Variants in CCSER1 observed in about 807,000 individuals in gnomAD.
CCSER1 encodes serine-rich coiled-coil domain-containing protein 1.
Under a neutral mutation model 82.0 loss-of-function variants are expected in CCSER1, and 41 were observed. The ratio of observed to expected loss-of-function variants is 0.50; its 90% CI spans 0.39 to 0.65. The LOEUF (loss-of-function observed/expected upper bound fraction) is 0.65, where lower values mean the gene tolerates loss of function less well. CCSER1 is among the 30% of genes least tolerant of loss of function. The probability of loss-of-function intolerance (pLI) is 0.00; values close to 1 mark genes in which losing one functional copy is unlikely to be tolerated. For missense variants in CCSER1, 1,119 were observed against 1,064.2 expected (o/e 1.05, Z -0.72); for synonymous variants, 414 against 383.9 (o/e 1.08, Z -0.92).
chr4:90,942,516 C>T (rs1731716289), intron 9 of CCSER1, among the ~76,000 whole-genome samples: 1 of 151,976 alleles, frequency 6.6e-6, no homozygotes. Context: ...ACAAAAGTCT[C>T]AAATGATAAT....
intron 1 of CCSER1, among the ~76,000 whole-genome samples, chr4:90,290,239 G>A (rs1730658156): frequency 6.6e-6 from 1 of 151,792 alleles, no homozygotes; most frequent in South Asian, 2.1e-4. Context: ...GCTATACTAA[G>A]ATGTGCAGAA....
intron 8 of CCSER1, among the ~76,000 whole-genome samples, chr4:90,898,663 A>G (rs1426538843): frequency 6.6e-6 from 1 of 151,938 alleles, no homozygotes; most frequent in Non-Finnish European, 1.5e-5. Flanking sequence ...TCTTCTGTAT[A>G]TAGCTAGCTA....
intron 8 of CCSER1, among the ~76,000 whole-genome samples, chr4:90,865,395 G>C (rs1046743287): frequency 9.9e-5 from 15 of 151,942 alleles, no homozygotes; most frequent in Non-Finnish European, 1.9e-4. Context: ...TTTGAGCAAT[G>C]AAAAGACAAT....
At chr4:91,495,906 G>C (rs1758778906) in intron 10 of CCSER1, among the ~76,000 whole-genome samples, 1 of 151,666 alleles carries the variant, frequency 6.6e-6, no homozygotes, top group East Asian at 1.9e-4. Flanking sequence ...GTTTATGCAT[G>C]ATAACGTTTT....
chr4:90,143,547 A>ATAGAATACATCAAGTATTCAGTAAATTT (rs1725225102), intron 1 of CCSER1, among the ~76,000 whole-genome samples: 1 of 151,654 alleles, frequency 6.6e-6, no homozygotes, highest in African/African-American at 2.4e-5. Flanking sequence ...ATATACCATT[A>ATAGAATACATCAAGTATTCAGTAAATTT]TAGAATACAT....
chr4:90,883,112 C>G (rs1721589221), intron 8 of CCSER1, among the ~76,000 whole-genome samples: 1 of 151,936 alleles, frequency 6.6e-6, no homozygotes, highest in Non-Finnish European at 1.5e-5. Flanking sequence ...ATTTAAACCC[C>G]TCCAGTATGA....
intron 9 of CCSER1, among the ~76,000 whole-genome samples, chr4:91,037,269 C>A (rs1306380264): frequency 6.6e-6 from 1 of 151,638 alleles, no homozygotes; most frequent in Admixed American, 6.6e-5. Context: ...TACATACACA[C>A]ACACACACAC....
chr4:91,166,371 T>C (rs1038057123), intron 10 of CCSER1, among the ~76,000 whole-genome samples: 1 of 152,074 alleles, frequency 6.6e-6, no homozygotes, highest in Non-Finnish European at 1.5e-5. Flanking sequence ...TAAAAAAAAG[T>C]GATCCAAATA....
intron 10 of CCSER1, among the ~76,000 whole-genome samples, chr4:91,596,596 G>A (rs1016975178): frequency 6.6e-6 from 1 of 152,044 alleles, no homozygotes; most frequent in African/African-American, 2.4e-5. Flanking sequence ...AGAGTATTGG[G>A]AAAGAGCCAA....
At chr4:90,456,629 AC>A (rs1439331884) in intron 4 of CCSER1, among the ~76,000 whole-genome samples, 2 of 152,086 alleles carry the variant, frequency 1.3e-5, no homozygotes, top group Non-Finnish European at 2.9e-5. Flanking sequence ...CATTCCCAAC[AC>A]CCAAGGGTGA....
intron 3 of CCSER1, among the ~76,000 whole-genome samples, chr4:90,390,673 C>T (rs1475030115): frequency 1.3e-5 from 2 of 152,132 alleles, no homozygotes; most frequent in South Asian, 2.1e-4. Context: ...TTTCTTTATC[C>T]AGTCCACCAT....
intron 10 of CCSER1, among the ~76,000 whole-genome samples, chr4:91,222,104 AAG>A (rs959722755): frequency 4.0e-5 from 6 of 151,398 alleles, no homozygotes; most frequent in Non-Finnish European, 5.9e-5. Flanking sequence ...CACATATATA[AAG>A]AGAGAGAGAG....
At chr4:90,497,390 C>T (rs867621524) in intron 5 of CCSER1, among the ~76,000 whole-genome samples, 193 of 152,196 alleles carry the variant, frequency 1.3e-3, no homozygotes, top group African/African-American at 4.5e-3. Flanking sequence ...CAAAGCAAGC[C>T]AGAACCATTC....
At chr4:91,151,385 G>A (rs1350664506) in intron 10 of CCSER1, among the ~76,000 whole-genome samples, 1 of 151,758 alleles carries the variant, frequency 6.6e-6, no homozygotes, top group Non-Finnish European at 1.5e-5. Context: ...TCTTGCTAGT[G>A]GCCTATCAAT....
intron 8 of CCSER1, among the ~76,000 whole-genome samples, chr4:90,916,735 A>C (rs1037466190): frequency 6.6e-6 from 1 of 152,176 alleles, no homozygotes; most frequent in Non-Finnish European, 1.5e-5. Context: ...CAACCTACAA[A>C]ATGGGAGAAA....
intron 10 of CCSER1, among the ~76,000 whole-genome samples, chr4:91,578,224 G>A (rs1354893451): frequency 6.6e-6 from 1 of 151,944 alleles, no homozygotes; most frequent in Non-Finnish European, 1.5e-5. Flanking sequence ...ACTATGGTAG[G>A]CCAAAGGTAG....
chr4:90,132,217 G>T (rs1722935185), intron 1 of CCSER1, among the ~76,000 whole-genome samples: 1 of 152,118 alleles, frequency 6.6e-6, no homozygotes, highest in Admixed American at 6.6e-5. Context: ...CTGTTAATTG[G>T]TACCTTTTGA....
chr4:91,267,109 T>TA (rs1741649619), intron 10 of CCSER1, among the ~76,000 whole-genome samples: 1 of 152,182 alleles, frequency 6.6e-6, no homozygotes, highest in African/African-American at 2.4e-5. Flanking sequence ...GTCTGAATGT[T>TA]AATTGGAGAA....
chr4:90,476,386 A>G (rs915628532), intron 5 of CCSER1, among the ~76,000 whole-genome samples: 2 of 152,110 alleles, frequency 1.3e-5, no homozygotes, highest in African/African-American at 4.8e-5. Flanking sequence ...GCGGAGGAAC[A>G]GTCAATCACT....
Sources: allele counts gnomAD v4.1 joint callset (sites outside exome capture counted in the v4.1 genomes callset), GRCh38; gene constraint gnomAD v4.1.1; transcripts MANE v1.5; gene names NCBI Gene and HGNC (gene_info 2026-07-23, HGNC 2026-07-21).